The following GLRB variants were observed in gnomAD, a reference collection of about 807,000 sequenced individuals.
GLRB encodes glycine receptor subunit beta.
In GLRB, 33 loss-of-function variants were observed where a neutral mutation model predicts 54.2. That is an observed-to-expected ratio of 0.61 (90% confidence interval 0.46 to 0.81). The LOEUF (loss-of-function observed/expected upper bound fraction) is 0.81, where lower values mean the gene tolerates loss of function less well. Among genes scored for constraint, GLRB ranks in the 40% least tolerant of loss-of-function variants. GLRB has a pLI of 0.00. For synonymous variants in GLRB, 209 were observed against 208.2 expected (o/e 1.00, Z -0.03); for missense variants, 572 against 584.6 (o/e 0.98, Z 0.22).
At chr4:157,130,918 A>T (rs1266240089) in intron 4 of GLRB, among the ~76,000 whole-genome samples, 2 of 151,714 alleles carry the variant, frequency 1.3e-5, no homozygotes, top group African/African-American at 4.8e-5. Context: ...AGTGAAGCTG[A>T]TCCAAGGAAG....
At position 157,098,634 on chromosome 4, in the gene GLRB, G is replaced by T. The variant is rs190871846; in HGVS notation, c.122+20488G>T. On this transcript the variant is annotated intron_variant, in intron 2 of 9. Coordinates refer to ENST00000264428, the MANE Select transcript of GLRB (RefSeq NM_000824.5). Reference sequence around the variant, plus strand: ...TTCTTTTCTTTTTTTTTGAGATGGAGTCTCGCTCTGTCACCCAGGCTGGAG... The same window carrying T: ...TTCTTTTCTTTTTTTTTGAGATGGATTCTCGCTCTGTCACCCAGGCTGGAG... Among the ~76,000 whole-genome samples the T allele has an allele frequency of 4.6e-5, 7 of 151,880 alleles. No individual in the cohort carries two copies. The East Asian group carries it at 1.4e-3, about 30-fold the overall frequency.
chr4:157,085,372 C>CAGAG (rs1368638099), intron 2 of GLRB, among the ~76,000 whole-genome samples: 3 of 152,142 alleles, frequency 2.0e-5, no homozygotes, highest in Non-Finnish European at 4.4e-5. Context: ...TCCTAAAGTA[C>CAGAG]AGAGATTCCA....
chr4:157,101,368 G>T (rs143288912), intron 2 of GLRB, among the ~76,000 whole-genome samples: 1 of 151,924 alleles, frequency 6.6e-6, no homozygotes, highest in Non-Finnish European at 1.5e-5. Context: ...TATCTTCTAG[G>T]TGTTCATGCA....
At chr4:157,121,118 T>G (rs774786651) in intron 3 of GLRB, among the ~76,000 whole-genome samples, 1 of 151,680 alleles carries the variant, frequency 6.6e-6, no homozygotes, top group Non-Finnish European at 1.5e-5. Context: ...TTATTTCACA[T>G]TAATAGAAAA....
Position 157,081,814 on chromosome 4 carries a change from G to A in GLRB, c.122+3668G>A, listed in dbSNP as rs75276244. ...CCCAATAGTGTCTTGAGTCCAGTCA[G>A]GTCATGTCAATATTGAGAACACTTT... On this transcript the variant is annotated intron_variant, in intron 2 of 9. Coordinates refer to ENST00000264428, the MANE Select transcript of GLRB (RefSeq NM_000824.5). Among the ~76,000 whole-genome samples, 237 of 152,190 alleles carry A rather than the reference G, an allele frequency of 1.6e-3. 1 individual carries two copies. The highest frequency in any genetic ancestry group is 5.4e-3 in the African/African-American group (223 of 41,502).
chr4:157,115,861 G>A (rs779623950), intron 2 of GLRB, among the ~76,000 whole-genome samples: 10 of 151,904 alleles, frequency 6.6e-5, no homozygotes, highest in Non-Finnish European at 1.3e-4. Context: ...TGAAAGCTGC[G>A]CAGCCCCACA....
intron 4 of GLRB, among the ~76,000 whole-genome samples, chr4:157,123,826 C>T (rs1735919670): frequency 6.6e-6 from 1 of 151,724 alleles, no homozygotes; most frequent in African/African-American, 2.4e-5. Context: ...AATACAGAAA[C>T]ACAGCTATGA....
intron 2 of GLRB, among the ~76,000 whole-genome samples, chr4:157,093,394 G>A (rs1483495763): frequency 6.6e-6 from 1 of 152,114 alleles, no homozygotes; most frequent in Non-Finnish European, 1.5e-5. Flanking sequence ...GTATGCATAT[G>A]TATTCATCTA....
intron 9 of GLRB, among the ~76,000 whole-genome samples, chr4:157,156,762 C>A (rs1304533657): frequency 2.0e-5 from 3 of 152,108 alleles, no homozygotes; most frequent in Non-Finnish European, 2.9e-5. Context: ...TCTCAGATTT[C>A]TCAGAATTCT....
Position 157,170,719 on chromosome 4 carries a change from A to G in GLRB, c.1485A>G (p.Ile495Met), listed in dbSNP as rs1000474620. The G allele has an allele frequency of 6.8e-6, 10 of 1,469,560 alleles. No individual in the cohort carries two copies. In the East Asian group the frequency reaches 2.3e-4, roughly 34 times the overall value. The allele number at this position is 1,469,560 out of a possible 1,614,324, so 91.0% of individuals were successfully genotyped here. The change falls in exon 10 of 10, where the codon ATA becomes ATG. Residue 495 changes from isoleucine to methionine, a missense_variant. Physicochemically the swap from Ile to Met is conservative, Grantham distance 10. Coordinates refer to ENST00000264428, the MANE Select transcript of GLRB (RefSeq NM_000824.5). ...TCTTCAATGTTATATATTGGTCTAT[A>G]TATTTATGATAAATCTTTTCCATTT... ...FLFFNVIYWS[I>M]YL is the part of the protein sequence containing the mutation.
intron 2 of GLRB, among the ~76,000 whole-genome samples, chr4:157,078,909 A>G (rs1270127618): frequency 6.6e-6 from 1 of 152,114 alleles, no homozygotes; most frequent in Non-Finnish European, 1.5e-5. Flanking sequence ...AGTAGCTGGG[A>G]TTACAGGTGC....
intron 9 of GLRB, among the ~76,000 whole-genome samples, chr4:157,169,090 G>A (rs1219864810): frequency 2.0e-5 from 3 of 152,038 alleles, no homozygotes; most frequent in Non-Finnish European, 4.4e-5. Flanking sequence ...GTGAGGTATA[G>A]TGTTTTTAAC....
intron 2 of GLRB, among the ~76,000 whole-genome samples, chr4:157,095,739 T>C (rs1183136918): frequency 6.6e-6 from 1 of 152,138 alleles, no homozygotes; most frequent in African/African-American, 2.4e-5. Flanking sequence ...TGTGGACTGA[T>C]ATGAACTCAT....
rs1194348218 is a variant in GLRB at position 157,076,986 on chromosome 4, G to GA, written c.-30+691dup. Among the ~76,000 whole-genome samples, 87 of 94,206 alleles carry GA rather than the reference G, an allele frequency of 9.2e-4. 2 individuals are homozygous for GA. Among genetic ancestry groups the GA allele is most frequent in the African/African-American group, 2.7e-3 (63 of 23,552 alleles). 61.8% of individuals were successfully genotyped at this position (94,206 alleles called of 152,430 possible). ...GGGAAGAATCCTGGGGGGGGGGGGG[G>GA]AAGATGAAAAACATGACATAAGGAG... On this transcript the variant is annotated intron_variant, in intron 1 of 9. Transcript: ENST00000264428.
At chr4:157,108,169 A>C (rs1049250634) in intron 2 of GLRB, among the ~76,000 whole-genome samples, 1 of 152,120 alleles carries the variant, frequency 6.6e-6, no homozygotes, top group African/African-American at 2.4e-5. Flanking sequence ...TGTATTATAC[A>C]AGGAGTTGTT....
intron 2 of GLRB, among the ~76,000 whole-genome samples, chr4:157,109,134 G>A (rs1735329289): frequency 6.6e-6 from 1 of 151,954 alleles, no homozygotes; most frequent in Non-Finnish European, 1.5e-5. Context: ...CTAACTTTAT[G>A]GCAATATTCA....
At chr4:157,082,463 T>G (rs550054671) in intron 2 of GLRB, among the ~76,000 whole-genome samples, 146 of 152,262 alleles carry the variant, frequency 9.6e-4, no homozygotes, top group African/African-American at 3.3e-3. Context: ...TAATAAAAAT[T>G]TATTTAATGA....
intron 2 of GLRB, among the ~76,000 whole-genome samples, chr4:157,082,670 C>T (rs777336433): frequency 5.3e-5 from 8 of 152,026 alleles, no homozygotes; most frequent in Non-Finnish European, 1.2e-4. Context: ...TACCTGGTTC[C>T]GTTTTGGCCT....
Position 157,138,911 on chromosome 4 carries a change from T to C in GLRB, c.713T>C (p.Ile238Thr), listed in dbSNP as rs752853387. The change falls in exon 7 of 10, where the codon ATT (isoleucine) becomes ACT (threonine). Residue 238 changes from isoleucine (I) to threonine (T), a missense_variant. Ile to Thr is a moderately conservative substitution (Grantham distance 89, BLOSUM62 -1). Transcript: ENST00000264428. Reference protein sequence around the residue: ...LPQFDIKKEDIEYGNCTKYYK... With the variant: ...LPQFDIKKEDTEYGNCTKYYK... ...CAATTTGATATCAAAAAGGAAGATA[T>C]TGAATATGGTAACTGTACAAAATAC... is the stretch of plus-strand genomic sequence containing the variant. The C allele has an allele frequency of 1.4e-5, 20 of 1,474,098 alleles. No individual in the cohort carries two copies. Among genetic ancestry groups the C allele is most frequent in the Non-Finnish European group, 1.7e-5 (18 of 1,053,710 alleles). 91.3% of individuals were successfully genotyped at this position (1,474,098 alleles called of 1,614,324 possible).
Sources: allele counts gnomAD v4.1 joint callset (sites outside exome capture counted in the v4.1 genomes callset), GRCh38; gene constraint gnomAD v4.1.1; transcripts MANE v1.5; gene names NCBI Gene and HGNC (gene_info 2026-07-23, HGNC 2026-07-21).